RPTOR: variants seen among roughly 807,000 people sequenced by gnomAD.
RPTOR encodes the protein regulatory associated protein of MTOR complex 1.
A neutral mutation model predicts 169.9 loss-of-function variants in RPTOR; 21 were observed. The observed-to-expected ratio is 0.12, with a 90% CI of 0.09 to 0.18. RPTOR has a LOEUF of 0.18. RPTOR is among the 10% of genes least tolerant of loss of function. The pLI is 1.00. For synonymous variants in RPTOR, 732 were observed against 753.2 expected, an observed-to-expected ratio of 0.97 and a Z score of 0.46; for missense variants, 1,133 against 1,855.9, an observed-to-expected ratio of 0.61 and a Z score of 7.16.
intron 3 of RPTOR, among the ~76,000 whole-genome samples, chr17:80,648,017 G>A (rs8076974): frequency 0.75 from 113,534 of 152,040 alleles, 43,317 homozygotes; most frequent in African/African-American, 0.89. Context: ...AGTTGGTTTT[G>A]CCATTAGATA....
In RPTOR at chr17:80,959,979, C is replaced by A; in HGVS notation, c.3478-99C>A. ...CTGCAGCCAGGGAGGGTGATCCCCA[C>A]AGCCAGGCAGGCAGCAAGAGGGGTC... is the stretch of plus-strand genomic sequence containing the variant. On this transcript the variant is annotated intron_variant, in intron 29 of 33. Transcript: ENST00000306801. This position sits in a 1 kb window ranked among gnomAD's most constrained non-coding sequence, Gnocchi z 6.7. 1 of 1,478,584 alleles carries A rather than the reference C, an allele frequency of 6.8e-7. No homozygotes were observed. The highest frequency in any genetic ancestry group is 9.3e-7 in the Non-Finnish European group (1 of 1,078,082). 91.6% of individuals were successfully genotyped at this position (1,478,584 alleles called of 1,614,324 possible).
intron 1 of RPTOR, among the ~76,000 whole-genome samples, chr17:80,557,558 A>T (rs534764160): frequency 6.6e-6 from 1 of 150,568 alleles, no homozygotes; most frequent in Non-Finnish European, 1.5e-5. Flanking sequence ...ATACAAAAAT[A>T]AGGAGGTATT....
In RPTOR at chr17:80,721,409, C is replaced by G. The variant is rs922567529; in HGVS notation, c.508-9151C>G. ...AGGAGGTGTGAGAATCACTCACTTC[C>G]TCGGCAGGGCCTGCACGCACCTGGT... is the stretch of plus-strand genomic sequence containing the variant. On this transcript the variant is annotated intron_variant, in intron 4 of 33. Transcript: ENST00000306801. The surrounding 1 kb of genome is among the most constrained non-coding windows in gnomAD (Gnocchi z 4.7). 2.0e-5 allele frequency among the ~76,000 whole-genome samples: 3 copies of G among 151,450 alleles called. 1 individual carries two copies. The highest frequency in any genetic ancestry group is 7.4e-5 in the African/African-American group (3 of 40,712).
At chr17:80,885,512 G>T (rs866164169) in intron 17 of RPTOR, among the ~76,000 whole-genome samples, 4 of 152,158 alleles carry the variant, frequency 2.6e-5, no homozygotes, top group African/African-American at 9.7e-5. Flanking sequence ...GTACGTCAGC[G>T]ACTGAACAAA....
At chr17:80,912,049 T>TA (rs2068619321) in intron 21 of RPTOR, among the ~76,000 whole-genome samples, 1 of 152,222 alleles carries the variant, frequency 6.6e-6, no homozygotes, top group African/African-American at 2.4e-5. Context: ...TCTTACCACT[T>TA]ACCACTGCCC....
Position 80,721,391 on chromosome 17 carries a change from G to A in RPTOR, c.508-9169G>A, listed in dbSNP as rs551184344. Among the ~76,000 whole-genome samples the A allele has an allele frequency of 5.9e-5, 9 of 151,620 alleles. No homozygotes were observed. In the East Asian group the frequency reaches 1.3e-3, roughly 23 times the overall value. Reference sequence around the variant, plus strand: ...TAACCTCAGGGGTAAGCAAGGAGGTGTGAGAATCACTCACTTCCTCGGCAG... The same window carrying A: ...TAACCTCAGGGGTAAGCAAGGAGGTATGAGAATCACTCACTTCCTCGGCAG... On this transcript the variant is annotated intron_variant, in intron 4 of 33. Transcript: ENST00000306801. The surrounding 1 kb of genome is among the most constrained non-coding windows in gnomAD (Gnocchi z 4.7).
chr17:80,670,452 T>G (rs117130960), intron 3 of RPTOR, among the ~76,000 whole-genome samples: 2 of 152,254 alleles, frequency 1.3e-5, no homozygotes, highest in Non-Finnish European at 2.9e-5. Flanking sequence ...GGAGCGTTGC[T>G]GTCAGCACTC....
Position 80,707,846 on chromosome 17 carries a change from G to A in RPTOR, c.354G>A (p.Arg118=), listed in dbSNP as rs2143093660. 2 of 1,611,684 alleles carry A rather than the reference G, an allele frequency of 1.2e-6. No homozygotes were observed. Residue 118 remains arginine (R), a synonymous_variant, in exon 4 of 34, where the codon CGG becomes CGA. Coordinates refer to ENST00000306801, the MANE Select transcript of RPTOR (RefSeq NM_020761.3). This position sits in a 1 kb window ranked among gnomAD's most constrained non-coding sequence, Gnocchi z 5.0. ...KQYENWQPRA[R]YKQSLDPTVD... Reference sequence around the variant, plus strand: ...CATTTCTTCTCCTGCAACAGGCCCGGTACAAGCAGAGCCTTGACCCAACTG... The same window carrying A: ...CATTTCTTCTCCTGCAACAGGCCCGATACAAGCAGAGCCTTGACCCAACTG...
chr17:80,805,858 T>C (rs2067213303), intron 7 of RPTOR, among the ~76,000 whole-genome samples: 1 of 152,160 alleles, frequency 6.6e-6, no homozygotes, highest in Non-Finnish European at 1.5e-5. Context: ...TTTGTCGTTC[T>C]ATAGTAAGTC....
chr17:80,950,485 A>G (rs2069161489), intron 28 of RPTOR, among the ~76,000 whole-genome samples: 1 of 150,342 alleles, frequency 6.7e-6, no homozygotes, highest in Non-Finnish European at 1.5e-5. Context: ...CAGGGTGGAC[A>G]TTGCCTCGAA....
At chr17:80,657,059 T>C (rs952550424) in intron 3 of RPTOR, among the ~76,000 whole-genome samples, 2 of 152,258 alleles carry the variant, frequency 1.3e-5, no homozygotes, top group Non-Finnish European at 2.9e-5. Flanking sequence ...AGAAGTCTCT[T>C]TGTTTTCACA....
rs1567846429 is a variant in RPTOR at position 80,665,446 on chromosome 17, TCC to T, written c.348+21637_348+21638del. Among the ~76,000 whole-genome samples the T allele has an allele frequency of 4.5e-4, 10 of 22,054 alleles. 2 individuals are homozygous for T. The highest frequency in any genetic ancestry group is 3.6e-3 in the African/African-American group (8 of 2,206). 14.5% of individuals were successfully genotyped at this position (22,054 alleles called of 152,430 possible). A position where few individuals can be genotyped will look rare whatever the true frequency, so the allele number is the denominator to read the frequency against. On this transcript the variant is annotated intron_variant, in intron 3 of 33. Transcript: ENST00000306801. ...TCCTTTCCTTTCCTTTCCTTTCCTT[TCC>T]TTTCCTTTCCTTTCCTTTCCTTTCC... is the stretch of plus-strand genomic sequence containing the variant.
chr17:80,886,925 G>C (rs2068254413), intron 17 of RPTOR, among the ~76,000 whole-genome samples: 1 of 152,222 alleles, frequency 6.6e-6, no homozygotes, highest in South Asian at 2.1e-4. Flanking sequence ...TTACACCAGA[G>C]CCTTGTGGAG....
intron 19 of RPTOR, 92 bp from the exon 20 acceptor site, chr17:80,893,615 G>A: frequency 6.8e-7 from 1 of 1,479,590 alleles, no homozygotes; most frequent in Non-Finnish European, 9.0e-7. Flanking sequence ...GCTTTATTTA[G>A]AAGAAAATAT....
At chr17:80,560,836 T>G (rs9911399) in intron 1 of RPTOR, among the ~76,000 whole-genome samples, 93,985 of 151,900 alleles carry the variant, frequency 0.62, 29,856 homozygotes, top group Middle Eastern at 0.71. Flanking sequence ...TGTTCACTGC[T>G]GAGCCCGAGG....
rs147319881 is a variant in RPTOR, at chr17:80,918,840, C to T, written c.2521-3884C>T. Among the ~76,000 whole-genome samples the T allele has an allele frequency of 4.8e-3, 728 of 152,236 alleles. 1 individual carries two copies. Among genetic ancestry groups the T allele is most frequent in the Middle Eastern group, 0.01 (3 of 292 alleles). ...CATCGTCAGCACTCGTGTCTGTGTCCTGTGCCGCCCAGGTGCAGAGAGGGC... is the reference window on the plus strand; with the variant it reads ...CATCGTCAGCACTCGTGTCTGTGTCTTGTGCCGCCCAGGTGCAGAGAGGGC... On this transcript the variant is annotated intron_variant, in intron 21 of 33. Transcript: ENST00000306801.
chr17:80,588,748 G>A (rs1007986521), intron 1 of RPTOR, among the ~76,000 whole-genome samples: 4 of 152,040 alleles, frequency 2.6e-5, no homozygotes, highest in Non-Finnish European at 5.9e-5. Flanking sequence ...TTTTCCTGTT[G>A]TATTGTTTCT....
At position 80,953,022 on chromosome 17, in the gene RPTOR, G is replaced by A. The variant is rs552089312; in HGVS notation, c.3370+3475G>A. ...TGGGACTAGAGGGTCGCACCACCAC[G>A]CCTGGCTAATTTTTGTATTTTTAGT... On this transcript the variant is annotated intron_variant, in intron 28 of 33. Transcript: ENST00000306801. 6.2e-4 allele frequency among the ~76,000 whole-genome samples: 94 copies of A among 151,806 alleles called. 1 individual carries two copies. The highest frequency in any genetic ancestry group is 2.2e-3 in the African/African-American group (92 of 41,394).
chr17:80,940,915 C>T (rs1258416686), intron 25 of RPTOR, among the ~76,000 whole-genome samples: 1 of 152,214 alleles, frequency 6.6e-6, no homozygotes, highest in Non-Finnish European at 1.5e-5. Context: ...GCCCTCAGCC[C>T]TCGGGATTAT....
Sources: gnomAD v4.1 joint callset for allele counts (sites outside exome capture counted in the v4.1 genomes callset) on GRCh38, gnomAD v4.1.1 for gene constraint, Gnocchi (gnomAD v3.1) non-coding constraint, MANE v1.5 for transcripts, NCBI Gene and HGNC (gene_info 2026-07-23, HGNC 2026-07-21) for gene names.